TMEM114: variants seen among roughly 807,000 people sequenced by gnomAD.
The protein encoded by TMEM114 is transmembrane protein 114.
In TMEM114, 6 loss-of-function variants were observed where a neutral mutation model predicts 6.2. The ratio of observed to expected loss-of-function variants is 0.97; its 90% CI spans 0.53 to 1.91. The LOEUF is 1.91. TMEM114 is among the 40% of genes most tolerant of loss of function. The pLI, the probability that TMEM114 is intolerant of heterozygous loss-of-function variation, is 0.01. For synonymous variants in TMEM114, 104 were observed against 73.0 expected (o/e 1.42, Z -2.16); for missense variants, 218 against 158.3 (o/e 1.38, Z -2.02).
intron 2 of TMEM114, among the ~76,000 whole-genome samples, chr16:8,558,627 C>T (rs764172486): frequency 6.6e-6 from 1 of 152,166 alleles, no homozygotes; most frequent in Non-Finnish European, 1.5e-5. Flanking sequence ...CTTGAACCTC[C>T]AACAGTCCCC....
rs573879709 is a variant in TMEM114, at chr16:8,577,495, G to T, written c.302-5271C>A. 2.0e-5 allele frequency among the ~76,000 whole-genome samples: 3 copies of T among 152,170 alleles called. No homozygotes were observed. The East Asian group carries it at 5.8e-4, about 29-fold the overall frequency. On this transcript the variant is annotated intron_variant, in intron 2 of 3. Transcript: ENST00000620492. ...TCTGTGAGCCCTCATTTCCTCATTT[G>T]TAAAAAATATTTAAGACCTAAGACC... is the stretch of plus-strand genomic sequence containing the variant.
chr16:8,528,555 G>A, the TMEM114 span, among the ~76,000 whole-genome samples: 2 of 152,126 alleles, frequency 1.3e-5, no homozygotes, highest in Admixed American at 6.5e-5. Flanking sequence ...CAAGAGGAGC[G>A]CAACAGGCTT....
intron 2 of TMEM114, among the ~76,000 whole-genome samples, chr16:8,558,285 G>C (rs775553636): frequency 3.9e-4 from 59 of 152,054 alleles, no homozygotes; most frequent in Non-Finnish European, 7.1e-4. Context: ...CAAAATCAAG[G>C]TGTCAGGTGG....
intron 3 of TMEM114, among the ~76,000 whole-genome samples, chr16:8,570,551 C>T (rs963588430): frequency 1.3e-5 from 2 of 152,278 alleles, no homozygotes; most frequent in East Asian, 3.9e-4. Context: ...AGACTGGTCT[C>T]AAACTCCTGA....
intron 2 of TMEM114, among the ~76,000 whole-genome samples, chr16:8,550,101 A>T (rs1900794686): frequency 6.6e-6 from 1 of 152,186 alleles, no homozygotes; most frequent in African/African-American, 2.4e-5. Flanking sequence ...CCATCATGGG[A>T]GAAAGATGAA....
At chr16:8,577,045 G>C (rs965681727) in intron 2 of TMEM114, among the ~76,000 whole-genome samples, 1 of 152,220 alleles carries the variant, frequency 6.6e-6, no homozygotes, top group Non-Finnish European at 1.5e-5. Context: ...GGAGTATTTA[G>C]AGTCAGACCT....
intron 2 of TMEM114, among the ~76,000 whole-genome samples, chr16:8,579,752 A>G (rs1902071702): frequency 6.6e-6 from 1 of 152,138 alleles, no homozygotes; most frequent in Non-Finnish European, 1.5e-5. Flanking sequence ...TTTAATTCCC[A>G]TTTCACAGGT....
intron 2 of TMEM114, among the ~76,000 whole-genome samples, chr16:8,583,484 C>A (rs1902220298): frequency 6.6e-6 from 1 of 152,116 alleles, no homozygotes; most frequent in African/African-American, 2.4e-5. Context: ...GTGGTTCAGG[C>A]CTGTTATCCC....
At chr16:8,562,421 TGAA>T (rs1451315047) in intron 2 of TMEM114, among the ~76,000 whole-genome samples, 1 of 149,702 alleles carries the variant, frequency 6.7e-6, no homozygotes, top group East Asian at 2.0e-4. Flanking sequence ...AATGAGTGAG[TGAA>T]TAAGTGAGTG....
At chr16:8,529,436 G>A in the TMEM114 span, among the ~76,000 whole-genome samples, 1 of 152,130 alleles carries the variant, frequency 6.6e-6, no homozygotes, top group African/African-American at 2.4e-5. Context: ...TAACTAGCAG[G>A]GACATTTGTT....
At chr16:8,554,212 A>T (rs1485642546) in intron 2 of TMEM114, among the ~76,000 whole-genome samples, 2 of 151,768 alleles carry the variant, frequency 1.3e-5, no homozygotes. Context: ...TTTCCCCTTT[A>T]TTCACTGCCT....
downstream of TMEM114, among the ~76,000 whole-genome samples, chr16:8,535,885 G>A (rs1001194782): frequency 6.6e-6 from 1 of 152,160 alleles, no homozygotes; most frequent in Non-Finnish European, 1.5e-5. Context: ...CTGAGCAAGT[G>A]TCTTATTAAG....
At chr16:8,586,015 T>C (rs1902308458) in intron 2 of TMEM114, among the ~76,000 whole-genome samples, 1 of 152,280 alleles carries the variant, frequency 6.6e-6, no homozygotes, top group South Asian at 2.1e-4. Flanking sequence ...GAAACAAGCA[T>C]GGTTGTTGCA....
chr16:8,564,326 T>G (rs915172501), intron 2 of TMEM114, among the ~76,000 whole-genome samples: 1 of 147,846 alleles, frequency 6.8e-6, no homozygotes, highest in Non-Finnish European at 1.5e-5. Flanking sequence ...AATGAGTGAG[T>G]TAGAGAATGA....
At chr16:8,548,642 T>G (rs923374505) in intron 2 of TMEM114, among the ~76,000 whole-genome samples, 6 of 149,754 alleles carry the variant, frequency 4.0e-5, no homozygotes, top group Non-Finnish European at 8.9e-5. Flanking sequence ...AAATCTTATA[T>G]GCATTTTTTG....
At chr16:8,562,165 T>G (rs918144790) in intron 2 of TMEM114, among the ~76,000 whole-genome samples, 3 of 151,054 alleles carry the variant, frequency 2.0e-5, no homozygotes, top group African/African-American at 7.4e-5. Flanking sequence ...AGTGAGTTAG[T>G]GAATGAGTGA....
chr16:8,582,473 A>G (rs1366128904), intron 2 of TMEM114, among the ~76,000 whole-genome samples: 1 of 152,234 alleles, frequency 6.6e-6, no homozygotes, highest in Non-Finnish European at 1.5e-5. Flanking sequence ...GTTGGATAGC[A>G]GGACTCTGAA....
chr16:8,564,089 G>C (rs551323374), intron 2 of TMEM114, among the ~76,000 whole-genome samples: 4 of 151,212 alleles, frequency 2.6e-5, no homozygotes, highest in Admixed American at 6.6e-5. Context: ...GAATGAGTGA[G>C]TGAGTGAATG....
chr16:8,572,051 C>A, intron 3 of TMEM114, 36 bp downstream of exon 3: 1 of 1,498,048 alleles, frequency 6.7e-7, no homozygotes, highest in Non-Finnish European at 8.9e-7. Flanking sequence ...AACCCCCAGA[C>A]CACAAGCCAG....
Sources: gnomAD v4.1 joint callset for allele counts (sites outside exome capture counted in the v4.1 genomes callset) on GRCh38, gnomAD v4.1.1 for gene constraint, MANE v1.5 for transcripts, NCBI Gene and HGNC (gene_info 2026-07-23, HGNC 2026-07-21) for gene names.